The following DAB1 variants were observed in gnomAD, a reference collection of about 807,000 sequenced individuals.
The protein encoded by DAB1 is DAB adaptor protein 1, also known as disabled homolog 1.
DAB1 carries 15 observed loss-of-function variants against 64.6 expected under a neutral mutation model. That is an observed-to-expected ratio of 0.23 (90% confidence interval 0.16 to 0.36). The LOEUF is 0.36. DAB1 is among the 10% of genes least tolerant of loss of function. The pLI is 1.00. For missense variants in DAB1, 596 were observed against 706.7 expected (o/e 0.84, Z 1.78); for synonymous variants, 235 against 251.9 (o/e 0.93, Z 0.64).
intron 4 of DAB1, among the ~76,000 whole-genome samples, chr1:58,210,871 G>A (rs1658519539): frequency 6.6e-6 from 1 of 152,116 alleles, no homozygotes; most frequent in Non-Finnish European, 1.5e-5. Flanking sequence ...TGCTATGAGG[G>A]GCTAATAAGA....
intron 3 of DAB1, among the ~76,000 whole-genome samples, chr1:58,493,536 A>T (rs1645738471): frequency 6.6e-6 from 1 of 151,436 alleles, no homozygotes; most frequent in African/African-American, 2.4e-5. Flanking sequence ...TCAGCCCAAA[A>T]TCTCCTTAAG....
intron 4 of DAB1, among the ~76,000 whole-genome samples, chr1:57,112,949 A>G (rs1655797218): frequency 1.3e-5 from 2 of 152,212 alleles, no homozygotes; most frequent in South Asian, 4.1e-4. Context: ...TGTTGGAGAC[A>G]GAAACATGAA....
intron 5 of DAB1, among the ~76,000 whole-genome samples, chr1:57,998,136 C>A (rs1646454138): frequency 6.6e-6 from 1 of 152,114 alleles, no homozygotes. Context: ...CTGTGTCCTG[C>A]CAGAGACAAT....
chr1:58,247,260 C>CT (rs1417973456), intron 4 of DAB1, among the ~76,000 whole-genome samples: 1 of 114,856 alleles, frequency 8.7e-6, no homozygotes, highest in African/African-American at 3.0e-5. Context: ...TTTTCATTTC[C>CT]CCCCCCGCCA....
chr1:58,240,101 G>A (rs1014168923), intron 4 of DAB1, among the ~76,000 whole-genome samples: 6 of 152,162 alleles, frequency 3.9e-5, no homozygotes, highest in African/African-American at 9.6e-5. Flanking sequence ...CCAGAATGAT[G>A]AGAGTAGGTG....
At chr1:58,543,238 A>G (rs1354584576) in intron 1 of DAB1, among the ~76,000 whole-genome samples, 2 of 152,218 alleles carry the variant, frequency 1.3e-5, no homozygotes, top group Non-Finnish European at 2.9e-5. Context: ...ACATGGTATA[A>G]AACAGTTATA....
intron 7 of DAB1, among the ~76,000 whole-genome samples, chr1:57,430,033 G>C (rs756012612): frequency 2.6e-5 from 4 of 151,848 alleles, no homozygotes; most frequent in Non-Finnish European, 4.4e-5. Context: ...AACGTAATTA[G>C]CATTTTATAG....
intron 5 of DAB1, among the ~76,000 whole-genome samples, chr1:58,016,967 T>G (rs961207809): frequency 6.6e-6 from 1 of 152,100 alleles, no homozygotes; most frequent in Non-Finnish European, 1.5e-5. Context: ...CAAATCTGAG[T>G]GCACGTATTA....
intron 1 of DAB1, among the ~76,000 whole-genome samples, chr1:57,827,131 T>A (rs1260975536): frequency 6.6e-6 from 1 of 152,206 alleles, no homozygotes; most frequent in East Asian, 1.9e-4. Context: ...GGAGAAAAAT[T>A]AATGCTGCCA....
In DAB1 at chr1:58,492,455, C is replaced by CA. The variant is rs558614512; in HGVS notation, n.257+13604dup. On this transcript the variant is annotated intron_variant and non_coding_transcript_variant, in intron 3 of 20. Transcript: ENST00000485760. ...GGAAATAGAGACACAAAAAACCCTT[C>CA]AAAAAATCAATGAATCCAGGAGTTG... Among the ~76,000 whole-genome samples, 272 of 152,092 alleles carry CA rather than the reference C, an allele frequency of 1.8e-3. 6 individuals carry two copies. The South Asian group carries it at 0.053, about 29-fold the overall frequency.
chr1:57,700,339 A>G lies in DAB1; in HGVS notation n.552-50674T>C, dbSNP rs1646892866. Among the ~76,000 whole-genome samples the G allele has an allele frequency of 2.0e-5, 3 of 152,352 alleles. No homozygotes were observed. In the South Asian group the frequency reaches 6.2e-4, roughly 32 times the overall value. On this transcript the variant is annotated intron_variant and non_coding_transcript_variant, in intron 6 of 20. Transcript: ENST00000485760. ...CAAAAACCTTGGTAACAATCATTGT[A>G]TGTGTCTCATCCTTCCAGGATAGAG...
chr1:57,219,350 G>A (rs1476419866), intron 2 of DAB1, among the ~76,000 whole-genome samples: 1 of 151,912 alleles, frequency 6.6e-6, no homozygotes, highest in East Asian at 1.9e-4. Flanking sequence ...CATTCAATCA[G>A]TATGGCTTTA....
At chr1:58,117,533 C>T in intron 5 of DAB1, among the ~76,000 whole-genome samples, 1 of 152,204 alleles carries the variant, frequency 6.6e-6, no homozygotes, top group East Asian at 1.9e-4. Context: ...CCATCAGGGA[C>T]CTCTTTCCCA....
chr1:57,037,298 G>A (rs568251474), intron 9 of DAB1, among the ~76,000 whole-genome samples: 23 of 152,092 alleles, frequency 1.5e-4, no homozygotes, highest in Non-Finnish European at 2.5e-4. Context: ...ACATTCACTG[G>A]GTGCTTTCCA....
Position 57,308,646 on chromosome 1 carries a change from A to G in DAB1, c.-136-17480T>C, listed in dbSNP as rs142264521. Among the ~76,000 whole-genome samples the G allele has an allele frequency of 8.6e-4, 131 of 152,356 alleles. 1 individual carries two copies. In the East Asian group the frequency reaches 9.1e-3, roughly 11 times the overall value. On this transcript the variant is annotated intron_variant, in intron 1 of 14. Coordinates refer to ENST00000371236, the MANE Select transcript of DAB1 (RefSeq NM_001365792.1). Reference sequence around the variant, plus strand: ...ATCATTCTGGTGGCATATTGCCACAAAATCACAGTAAAATAAGAAATGGCT... The same window carrying G: ...ATCATTCTGGTGGCATATTGCCACAGAATCACAGTAAAATAAGAAATGGCT...
chr1:57,744,738 C>G (rs1384624278), intron 6 of DAB1, among the ~76,000 whole-genome samples: 1 of 152,190 alleles, frequency 6.6e-6, no homozygotes, highest in African/African-American at 2.4e-5. Flanking sequence ...AGTAGCCATT[C>G]TCCACTGGCA....
intron 4 of DAB1, among the ~76,000 whole-genome samples, chr1:57,075,195 G>C (rs1290367633): frequency 6.6e-6 from 1 of 152,176 alleles, no homozygotes; most frequent in Admixed American, 6.5e-5. Context: ...CTTCCTGGTG[G>C]AATTAGATTT....
intron 1 of DAB1, chr1:57,862,627 C>G (rs1238530938): frequency 6.6e-6 from 1 of 152,060 alleles, no homozygotes; most frequent in East Asian, 1.9e-4. Context: ...TAAGATAACT[C>G]CTTAAAAATC....
chr1:57,616,628 A>G (rs1019507543), intron 7 of DAB1, among the ~76,000 whole-genome samples: 1 of 152,208 alleles, frequency 6.6e-6, no homozygotes, highest in African/African-American at 2.4e-5. Flanking sequence ...GGTTTCCTAC[A>G]GATCACCTGC....
Sources: gnomAD v4.1 joint callset for allele counts (sites outside exome capture counted in the v4.1 genomes callset) on GRCh38, gnomAD v4.1.1 for gene constraint, MANE v1.5 for transcripts, NCBI Gene and HGNC (gene_info 2026-07-23, HGNC 2026-07-21) for gene names.